Variants in MCTP1 observed in about 807,000 individuals in gnomAD.
MCTP1 encodes multiple C2 and transmembrane domain-containing protein 1.
Under a neutral mutation model 120.6 loss-of-function variants are expected in MCTP1, and 69 were observed. That is an observed-to-expected ratio of 0.57 (90% confidence interval 0.47 to 0.70). The LOEUF (loss-of-function observed/expected upper bound fraction) is 0.70, where lower values mean the gene tolerates loss of function less well. Among genes scored for constraint, MCTP1 ranks in the 30% least tolerant of loss-of-function variants. The probability of loss-of-function intolerance (pLI) is 0.00; values close to 1 mark genes in which losing one functional copy is unlikely to be tolerated. For synonymous variants in MCTP1, 529 were observed against 493.1 expected (o/e 1.07, Z -0.96); for missense variants, 1,203 against 1,248.8 (o/e 0.96, Z 0.55).
chr5:94,812,896 TTCTCTCTCTCTCTC>T (rs70978132), intron 17 of MCTP1, among the ~76,000 whole-genome samples: 1 of 147,214 alleles, frequency 6.8e-6, no homozygotes, highest in Non-Finnish European at 1.5e-5. Context: ...ACCAAAAGCA[TTCTCTCTCTCTCTC>T]TCTCTCTCTC....
chr5:94,715,512 A>G (rs969523277), intron 19 of MCTP1, among the ~76,000 whole-genome samples: 3 of 152,080 alleles, frequency 2.0e-5, no homozygotes, highest in Admixed American at 6.6e-5. Flanking sequence ...TATATGCTGT[A>G]TTAGGTTCTA....
At chr5:94,847,486 G>C (rs1792658283) in intron 17 of MCTP1, among the ~76,000 whole-genome samples, 4 of 151,924 alleles carry the variant, frequency 2.6e-5, no homozygotes, top group Admixed American at 2.6e-4. Context: ...TTAGCTCTGA[G>C]ACGTATCTAT....
chr5:94,873,344 C>G, intron 12 of MCTP1, 103 bp from the exon 13 acceptor site: 2 of 577,764 alleles, frequency 3.5e-6, no homozygotes, highest in Non-Finnish European at 3.0e-6. Context: ...TTATAGTAAA[C>G]AAAAAAGTGA....
intron 1 of MCTP1, among the ~76,000 whole-genome samples, chr5:95,177,814 A>G (rs1455065376): frequency 2.0e-5 from 3 of 152,204 alleles, no homozygotes; most frequent in East Asian, 1.9e-4. Flanking sequence ...GAGATCATAT[A>G]AGGAATTACT....
intron 17 of MCTP1, among the ~76,000 whole-genome samples, chr5:94,848,864 T>C (rs538380108): frequency 1.3e-5 from 2 of 152,112 alleles, no homozygotes; most frequent in East Asian, 3.9e-4. Context: ...CATCTTATTT[T>C]GTAGAAATTA....
chr5:94,873,344 C>CA, intron 12 of MCTP1, 103 bp from the exon 13 acceptor site: 1 of 577,758 alleles, frequency 1.7e-6, no homozygotes, highest in African/African-American at 1.9e-5. Context: ...TTATAGTAAA[C>CA]AAAAAAGTGA....
intron 11 of MCTP1, among the ~76,000 whole-genome samples, chr5:94,892,426 G>T (rs895272211): frequency 6.6e-6 from 1 of 152,182 alleles, no homozygotes; most frequent in Middle Eastern, 3.4e-3. Context: ...CAGCATACCC[G>T]TTCTGAAAAG....
intron 7 of MCTP1, among the ~76,000 whole-genome samples, chr5:94,923,686 G>A (rs965542776): frequency 6.6e-6 from 1 of 152,156 alleles, no homozygotes; most frequent in Non-Finnish European, 1.5e-5. Flanking sequence ...TTCCTGGAGA[G>A]TCCCTGGGAC....
chr5:94,791,372 G>A (rs1045413652), intron 18 of MCTP1, among the ~76,000 whole-genome samples: 8 of 152,000 alleles, frequency 5.3e-5, no homozygotes, highest in African/African-American at 1.7e-4. Flanking sequence ...GCTCGCACCT[G>A]TTGTCCCAGC....
At chr5:95,268,507 A>C (rs1419248879) in intron 1 of MCTP1, among the ~76,000 whole-genome samples, 3 of 152,242 alleles carry the variant, frequency 2.0e-5, no homozygotes, top group Non-Finnish European at 4.4e-5. Context: ...TATAGGAAAT[A>C]GACACGAACC....
At chr5:95,193,419 G>A (rs368645571) in intron 1 of MCTP1, among the ~76,000 whole-genome samples, 1 of 152,056 alleles carries the variant, frequency 6.6e-6, no homozygotes, top group Non-Finnish European at 1.5e-5. Flanking sequence ...TCATCATTCT[G>A]AGAAAACAGA....
At chr5:94,942,999 G>T (rs1031903667) in intron 3 of MCTP1, among the ~76,000 whole-genome samples, 1 of 152,026 alleles carries the variant, frequency 6.6e-6, no homozygotes, top group African/African-American at 2.4e-5. Context: ...AAAAGAAAGA[G>T]ATAATGCGTT....
At chr5:95,018,898 C>T (rs1837650315) in intron 1 of MCTP1, among the ~76,000 whole-genome samples, 1 of 152,042 alleles carries the variant, frequency 6.6e-6, no homozygotes, top group Non-Finnish European at 1.5e-5. Flanking sequence ...TTCCCTTACC[C>T]ATCTGATTGT....
intron 2 of MCTP1, among the ~76,000 whole-genome samples, chr5:94,994,420 C>T (rs766777729): frequency 7.2e-5 from 11 of 152,252 alleles, no homozygotes; most frequent in South Asian, 2.1e-4. Flanking sequence ...AAATAGCCTA[C>T]GGTGAGTAAA....
intron 11 of MCTP1, among the ~76,000 whole-genome samples, chr5:94,889,750 C>CCACACA (rs750983646): frequency 0.036 from 5,177 of 145,654 alleles, 80 homozygotes; most frequent in Middle Eastern, 0.062. Context: ...TGAATGTACA[C>CCACACA]CACACACACA....
At chr5:94,734,942 C>T (rs1580377699) in intron 19 of MCTP1, among the ~76,000 whole-genome samples, 1 of 151,968 alleles carries the variant, frequency 6.6e-6, no homozygotes, top group Non-Finnish European at 1.5e-5. Flanking sequence ...TCCGTTTTCC[C>T]TTAATAGATG....
chr5:95,093,982 C>A (rs1304974769), intron 1 of MCTP1, among the ~76,000 whole-genome samples: 1 of 152,218 alleles, frequency 6.6e-6, no homozygotes, highest in Non-Finnish European at 1.5e-5. Flanking sequence ...AGCTGAGCTC[C>A]AGGCCAATGG....
chr5:95,104,179 T>C (rs1000191101), intron 1 of MCTP1, among the ~76,000 whole-genome samples: 1 of 151,546 alleles, frequency 6.6e-6, no homozygotes, highest in African/African-American at 2.4e-5. Context: ...TTACCCCCCC[T>C]CCCAAGTTTC....
chr5:95,206,893 A>G (rs374951422), intron 1 of MCTP1, among the ~76,000 whole-genome samples: 48 of 152,256 alleles, frequency 3.2e-4, no homozygotes, highest in African/African-American at 1.1e-3. Flanking sequence ...AAATTTGAAG[A>G]CTACACTTAT....
Sources: allele counts gnomAD v4.1 joint callset (sites outside exome capture counted in the v4.1 genomes callset), GRCh38; gene constraint gnomAD v4.1.1; transcripts MANE v1.5; gene names NCBI Gene and HGNC (gene_info 2026-07-23, HGNC 2026-07-21).